UBE3D: variants seen among roughly 807,000 people sequenced by gnomAD.
The protein encoded by UBE3D is ubiquitin protein ligase E3D.
In UBE3D, 48 loss-of-function variants were observed where a neutral mutation model predicts 49.6. The ratio of observed to expected loss-of-function variants is 0.97; its 90% CI spans 0.77 to 1.23. The LOEUF (loss-of-function observed/expected upper bound fraction) is 1.23, where lower values mean the gene tolerates loss of function less well. UBE3D is among the 50% of genes most tolerant of loss of function. The pLI is 0.00. For synonymous variants in UBE3D, 189 were observed against 174.2 expected (o/e 1.08, Z -0.67); for missense variants, 452 against 468.4 (o/e 0.96, Z 0.32).
intron 1 of UBE3D, among the ~76,000 whole-genome samples, chr6:83,062,116 C>T (rs1348133778): frequency 2.6e-5 from 4 of 152,130 alleles, no homozygotes; most frequent in Non-Finnish European, 5.9e-5. Flanking sequence ...TTCTCTACTG[C>T]CACCATTAAA....
At chr6:83,008,699 C>T (rs539861535) in intron 8 of UBE3D, among the ~76,000 whole-genome samples, 2 of 152,078 alleles carry the variant, frequency 1.3e-5, no homozygotes, top group Non-Finnish European at 2.9e-5. Context: ...AAAGTTCTAG[C>T]CAATTGGACT....
chr6:83,055,716 CA>C (rs1446747706), intron 2 of UBE3D, among the ~76,000 whole-genome samples: 2 of 152,126 alleles, frequency 1.3e-5, no homozygotes, highest in Non-Finnish European at 2.9e-5. Context: ...GTTTGACACT[CA>C]AAATAGCAGT....
intron 8 of UBE3D, among the ~76,000 whole-genome samples, chr6:82,962,518 C>G (rs1014951130): frequency 3.3e-5 from 5 of 152,122 alleles, no homozygotes; most frequent in African/African-American, 1.2e-4. Flanking sequence ...ATGATAACCA[C>G]AGTCACAAAA....
chr6:82,939,730 T>C (rs1461630099), intron 9 of UBE3D, among the ~76,000 whole-genome samples: 2 of 152,240 alleles, frequency 1.3e-5, no homozygotes, highest in Non-Finnish European at 2.9e-5. Context: ...AAGTGCACTC[T>C]ATGACATTCT....
At chr6:82,908,494 C>A (rs568018897) in intron 9 of UBE3D, among the ~76,000 whole-genome samples, 4 of 152,268 alleles carry the variant, frequency 2.6e-5, no homozygotes, top group African/African-American at 7.2e-5. Context: ...TACAATTCAT[C>A]CTTGTAACCA....
At chr6:82,928,023 C>T (rs1773886386) in intron 9 of UBE3D, among the ~76,000 whole-genome samples, 1 of 151,932 alleles carries the variant, frequency 6.6e-6, no homozygotes, top group East Asian at 1.9e-4. Context: ...CAACAGTGAA[C>T]CCTAATGTAA....
In UBE3D at chr6:82,923,432, C is replaced by T. The variant is rs376550101; in HGVS notation, c.1150-30390G>A. Among the ~76,000 whole-genome samples the T allele has an allele frequency of 3.9e-5, 6 of 152,260 alleles. No individual in the cohort carries two copies. The East Asian group carries it at 9.7e-4, about 25-fold the overall frequency. The stretch of plus-strand genomic sequence containing the variant: ...CAGGCACACAGATGAAGCTAGAAAC[C>T]ATCATTCTCAGCAAACGATCACAAG... On this transcript the variant is annotated intron_variant, in intron 9 of 9. Coordinates refer to ENST00000369747, the MANE Select transcript of UBE3D (RefSeq NM_198920.3).
intron 8 of UBE3D, among the ~76,000 whole-genome samples, chr6:82,986,623 G>A (rs1778529717): frequency 6.8e-6 from 1 of 146,874 alleles, no homozygotes; most frequent in Non-Finnish European, 1.5e-5. Flanking sequence ...TGTTCTAGGT[G>A]ACTTGAAAAA....
chr6:82,963,612 T>C (rs117728329), intron 8 of UBE3D, among the ~76,000 whole-genome samples: 3,409 of 152,262 alleles, frequency 0.022, 69 homozygotes, highest in Middle Eastern at 0.082. Context: ...TAAGTCAATT[T>C]AGCCTTTTCA....
chr6:83,041,949 C>T (rs998559701), intron 4 of UBE3D, among the ~76,000 whole-genome samples: 3 of 151,866 alleles, frequency 2.0e-5, no homozygotes, highest in African/African-American at 7.3e-5. Flanking sequence ...CTCGCTCTGT[C>T]ACCAGGCTGG....
chr6:82,924,808 A>C (rs983562041), intron 9 of UBE3D: 1 of 152,212 alleles, frequency 6.6e-6, no homozygotes, highest in Non-Finnish European at 1.5e-5. Flanking sequence ...TAGTATTTAT[A>C]GTAAACATTA....
chr6:82,977,964 C>T (rs1310541534), intron 8 of UBE3D, among the ~76,000 whole-genome samples: 3 of 152,142 alleles, frequency 2.0e-5, no homozygotes, highest in Admixed American at 6.6e-5. Context: ...GATTACAAAA[C>T]TTTTCCTGTA....
intron 9 of UBE3D, among the ~76,000 whole-genome samples, chr6:82,953,633 T>G (rs293518): frequency 0.86 from 130,759 of 152,146 alleles, 56,318 homozygotes; most frequent in East Asian, 0.94. Flanking sequence ...CCAGCCATCT[T>G]GCCAGCCATC....
intron 9 of UBE3D, among the ~76,000 whole-genome samples, chr6:82,949,436 C>T (rs1344522788): frequency 1.3e-5 from 2 of 151,826 alleles, no homozygotes; most frequent in African/African-American, 2.4e-5. Context: ...AAAATGTCCA[C>T]AATACTCAAA....
In UBE3D at chr6:83,060,362, G is replaced by A. The variant is rs546852959; in HGVS notation, c.78-2340C>T. Among the ~76,000 whole-genome samples, 148 of 152,302 alleles carry A rather than the reference G, an allele frequency of 9.7e-4. 1 individual carries two copies. Among genetic ancestry groups the A allele is most frequent in the African/African-American group, 3.4e-3 (140 of 41,556 alleles). On this transcript the variant is annotated intron_variant, in intron 1 of 9. Coordinates refer to ENST00000369747, the MANE Select transcript of UBE3D (RefSeq NM_198920.3). ...GAATGGAGTTACAAAAAGAGAAAGC[G>A]AGGAAACTAGAATAGACCCTATGGT...
At chr6:82,933,385 T>A (rs1229896173) in intron 9 of UBE3D, among the ~76,000 whole-genome samples, 1 of 152,338 alleles carries the variant, frequency 6.6e-6, no homozygotes, top group African/African-American at 2.4e-5. Flanking sequence ...TCATTTTCAT[T>A]GCATGCAACT....
intron 3 of UBE3D, among the ~76,000 whole-genome samples, chr6:83,051,506 C>T (rs575337293): frequency 2.8e-4 from 42 of 152,260 alleles, no homozygotes; most frequent in African/African-American, 8.4e-4. Flanking sequence ...GTAAGCAGAA[C>T]CCGGAAATAC....
chr6:82,952,287 CAAT>C (rs1374619558), intron 9 of UBE3D, among the ~76,000 whole-genome samples: 3 of 151,902 alleles, frequency 2.0e-5, no homozygotes, highest in Non-Finnish European at 2.9e-5. Flanking sequence ...AAAATGTAAA[CAAT>C]AATATACCTT....
At chr6:82,934,163 A>ACT (rs947699510) in intron 9 of UBE3D, among the ~76,000 whole-genome samples, 1 of 151,450 alleles carries the variant, frequency 6.6e-6, no homozygotes, top group Non-Finnish European at 1.5e-5. Context: ...TCCTTCACAC[A>ACT]CTCTCTCTCA....
Sources: allele counts gnomAD v4.1 joint callset (sites outside exome capture counted in the v4.1 genomes callset), GRCh38; gene constraint gnomAD v4.1.1; transcripts MANE v1.5; gene names NCBI Gene and HGNC (gene_info 2026-07-23, HGNC 2026-07-21).